The following APOBEC3B variants were observed in gnomAD, a reference collection of about 807,000 sequenced individuals.
APOBEC3B encodes the protein apolipoprotein B mRNA editing enzyme catalytic subunit 3B, also known as DNA dC->dU-editing enzyme APOBEC-3B.
Under a neutral mutation model 53.4 loss-of-function variants are expected in APOBEC3B, and 29 were observed. The ratio of observed to expected loss-of-function variants is 0.54; its 90% CI spans 0.40 to 0.74. APOBEC3B has a LOEUF of 0.74. APOBEC3B is among the 30% of genes least tolerant of loss of function. The pLI, the probability that APOBEC3B is intolerant of heterozygous loss-of-function variation, is 0.00. For synonymous variants in APOBEC3B, 132 were observed against 184.8 expected, an observed-to-expected ratio of 0.71 and a Z score of 2.32; for missense variants, 347 against 496.2, an observed-to-expected ratio of 0.70 and a Z score of 2.86.
In APOBEC3B at chr22:38,985,931, G is replaced by A. The variant is rs138362043; in HGVS notation, c.294G>A (p.Pro98=). The change falls in exon 3 of 8, where the codon CCG becomes CCA. Residue 98 remains proline (P), a synonymous_variant. Coordinates refer to ENST00000333467, the MANE Select transcript of APOBEC3B (RefSeq NM_004900.5). Reference sequence around the variant, plus strand: ...GGTTTGTATCCTGGACCCCCTGCCCGGACTGTGTGGCGAAGCTGGCCGAAT... The same window carrying A: ...GGTTTGTATCCTGGACCCCCTGCCCAGACTGTGTGGCGAAGCTGGCCGAAT... ...ITWFVSWTPC[P]DCVAKLAEFL... is the part of the protein sequence containing the mutation. The A allele has an allele frequency of 8.3e-4, 1,322 of 1,601,486 alleles. 25 individuals are homozygous for A. The highest frequency in any genetic ancestry group is 1.1e-3 in the Non-Finnish European group (1,252 of 1,176,514).
chr22:38,988,261 G>A lies in APOBEC3B; in HGVS notation c.570-1196G>A, dbSNP rs1923818446. Among the ~76,000 whole-genome samples, 2 of 148,378 alleles carry A rather than the reference G, an allele frequency of 1.3e-5. 1 individual carries two copies. Among genetic ancestry groups the A allele is most frequent in the African/African-American group, 4.9e-5 (2 of 40,758 alleles). On this transcript the variant is annotated intron_variant, in intron 4 of 7. Coordinates refer to ENST00000333467, the MANE Select transcript of APOBEC3B (RefSeq NM_004900.5). ...CCCAGTGCTGGTCTCTCCTCCAATG[G>A]TACCAATTCCAGGTCTCCTTCCACC...
At position 38,991,564 on chromosome 22, in the gene APOBEC3B, A is replaced by C. The variant is rs1264264007; in HGVS notation, c.956A>C (p.Tyr319Ser). The C allele has an allele frequency of 1.3e-6, 2 of 1,591,870 alleles. No individual in the cohort carries two copies. Among genetic ancestry groups the C allele is most frequent in the Non-Finnish European group, 1.7e-6 (2 of 1,172,040 alleles). Residue 319 changes from tyrosine (Y) to serine (S), a missense_variant, in exon 6 of 8, where the codon TAT becomes TCT. By Grantham distance (144) the Tyr-to-Ser change is moderately radical. This residue lies in a region of APOBEC3B where 78 missense variants were observed against 103.9 expected (regional missense o/e 0.75). Transcript: ENST00000333467. ...AARIYDYDPLYKEALQMLRDA... is the reference protein window; with the variant it reads ...AARIYDYDPLSKEALQMLRDA... ...CGCATCTATGATTACGACCCCCTAT[A>C]TAAGGAGGCGCTGCAAATGCTGCGG... is the stretch of plus-strand genomic sequence containing the variant.
chr22:38,992,492 G>T lies in APOBEC3B; in HGVS notation c.*47G>T. 2.7e-6 allele frequency: 4 copies of T among 1,502,398 alleles called. No homozygotes were observed. Among genetic ancestry groups the T allele is most frequent in the Non-Finnish European group, 3.5e-6 (4 of 1,128,654 alleles). The allele number at this position is 1,502,398 out of a possible 1,614,324, so 93.1% of individuals were successfully genotyped here. A position where few individuals can be genotyped will look rare whatever the true frequency, so the allele number is the denominator to read the frequency against. The stretch of plus-strand genomic sequence containing the variant: ...GGAAGGCAGAGACCTGGGTTGAGCA[G>T]CAGAATAAAAGATCTTCTTCCAAGA... On this transcript the variant is annotated 3_prime_UTR_variant, in exon 8 of 8. Transcript: ENST00000333467.
chr22:38,983,578 G>A (rs2146287272), intron 1 of APOBEC3B, among the ~76,000 whole-genome samples: 1 of 148,756 alleles, frequency 6.7e-6, no homozygotes, highest in East Asian at 2.3e-4. Context: ...CTGTAAGATG[G>A]GAATGGCCCC....
rs1017888373 is a variant in APOBEC3B at position 38,992,277 on chromosome 22, C to T, written c.1134+128C>T. Reference sequence around the variant, plus strand: ...CTGCTCCCCACAGGGCGCCCAGCTCCGTCCCTCCCTTTCCTTCTCACAGCC... The same window carrying T: ...CTGCTCCCCACAGGGCGCCCAGCTCTGTCCCTCCCTTTCCTTCTCACAGCC... On this transcript the variant is annotated intron_variant, in intron 7 of 7. Transcript: ENST00000333467. The T allele has an allele frequency of 3.3e-5, 51 of 1,534,948 alleles. 1 individual carries two copies. Among genetic ancestry groups the T allele is most frequent in the Middle Eastern group, 3.5e-4 (2 of 5,754 alleles).
intron 4 of APOBEC3B, 107 bp downstream of exon 4, chr22:38,986,519 C>A: frequency 1.6e-6 from 2 of 1,288,166 alleles, no homozygotes; most frequent in Non-Finnish European, 2.1e-6. Flanking sequence ...CCACTGCCTG[C>A]CCTCATGGTC....
At chr22:38,987,455 C>T (rs1240596426) in intron 4 of APOBEC3B, among the ~76,000 whole-genome samples, 1 of 148,706 alleles carries the variant, frequency 6.7e-6, no homozygotes, top group Non-Finnish European at 1.5e-5. Flanking sequence ...CTGGTGCTCC[C>T]TGCCCTGGGA....
chr22:38,982,763 T>C (rs1439894133), intron 1 of APOBEC3B, among the ~76,000 whole-genome samples: 1 of 148,922 alleles, frequency 6.7e-6, no homozygotes, highest in Non-Finnish European at 1.5e-5. Context: ...GTGCTCCCTC[T>C]GTGTGCTTCC....
rs58110435 is a variant in APOBEC3B, at chr22:38,988,681, T to TTCTCTCTTTCTTTCTTTC, written c.570-771_570-770insCTTTCTTTCTTTCTCTCT. On this transcript the variant is annotated intron_variant, in intron 4 of 7. Transcript: ENST00000333467. Reference sequence around the variant, plus strand: ...CCTTGCTTCCTCTCTCTTTCTCTCTTTCTCTTTCTTTCTTTCTTTCTTTCT... The same window carrying TTCTCTCTTTCTTTCTTTC: ...CCTTGCTTCCTCTCTCTTTCTCTCTTTCTCTCTTTCTTTCTTTCTCTCTTTCTTTCTTTCTTTCTTTCT... Among the ~76,000 whole-genome samples the TTCTCTCTTTCTTTCTTTC allele has an allele frequency of 3.1e-3, 198 of 63,626 alleles. 38 individuals are homozygous for TTCTCTCTTTCTTTCTTTC. The highest frequency in any genetic ancestry group is 0.028 in the Admixed American group (155 of 5,536). 41.7% of individuals were successfully genotyped at this position (63,626 alleles called of 152,430 possible).
intron 1 of APOBEC3B, 79 bp downstream of exon 1, chr22:38,982,549 T>C: frequency 6.6e-6 from 10 of 1,520,122 alleles, no homozygotes; most frequent in East Asian, 2.6e-5. Context: ...AACCCTGGCC[T>C]CCCCCCGCCC....
intron 7 of APOBEC3B, 109 bp downstream of exon 7, chr22:38,992,258 C>T (rs770971928): frequency 1.3e-6 from 2 of 1,542,768 alleles, no homozygotes; most frequent in Non-Finnish European, 1.7e-6. Flanking sequence ...TTCCCTGCTC[C>T]CCACAGGGCG....
chr22:38,986,797 G>T (rs1923758979), intron 4 of APOBEC3B, among the ~76,000 whole-genome samples: 1 of 148,814 alleles, frequency 6.7e-6, no homozygotes, highest in Admixed American at 6.9e-5. Context: ...GGCACCCATG[G>T]CATCCTGGGG....
At chr22:38,991,754 G>T (rs1039183751) in intron 6 of APOBEC3B, 128 bp downstream of exon 6, 1 of 1,308,930 alleles carries the variant, frequency 7.6e-7, no homozygotes, top group African/African-American at 1.5e-5. Flanking sequence ...TGACTTTGGG[G>T]TCGATGGGAA....
chr22:38,982,731 T>G (rs1436650276), intron 1 of APOBEC3B, among the ~76,000 whole-genome samples: 1 of 148,596 alleles, frequency 6.7e-6, no homozygotes, highest in East Asian at 2.3e-4. Flanking sequence ...ATGCCCGGAC[T>G]GGTGCTCCCC....
At chr22:38,988,995 TC>T (rs1168259761) in intron 4 of APOBEC3B, among the ~76,000 whole-genome samples, 1 of 147,278 alleles carries the variant, frequency 6.8e-6, no homozygotes, top group African/African-American at 2.5e-5. Context: ...CAGGCTCCTC[TC>T]CCCAATGATC....
Position 38,989,567 on chromosome 22 carries a change from C to T in APOBEC3B, c.680C>T (p.Thr227Ile). Residue 227 changes from threonine (T) to isoleucine (I), a missense_variant, in exon 5 of 8, where the codon ACC becomes ATC. Physicochemically the swap from Thr to Ile is moderately conservative, Grantham distance 89. This residue lies in a region of APOBEC3B where 156 missense variants were observed against 166.7 expected (regional missense o/e 0.94). Coordinates refer to ENST00000333467, the MANE Select transcript of APOBEC3B (RefSeq NM_004900.5). ...GAGGTGGAGCGCCTGGACAATGGCA[C>T]CTGGGTCCTGATGGACCAGCACATG... ...CYEVERLDNG[T>I]WVLMDQHMGF... 6.3e-7 allele frequency: 1 copy of T among 1,587,788 alleles called. No individual in the cohort carries two copies. Among genetic ancestry groups the T allele is most frequent in the Non-Finnish European group, 8.6e-7 (1 of 1,168,742 alleles).
chr22:38,990,075 C>T (rs1923930277), intron 5 of APOBEC3B, among the ~76,000 whole-genome samples: 1 of 149,138 alleles, frequency 6.7e-6, no homozygotes, highest in African/African-American at 2.4e-5. Flanking sequence ...AGATGGCCAG[C>T]AGTTGGGGAA....
chr22:38,983,484 C>CTGGAAAGG (rs1323747477), intron 1 of APOBEC3B, among the ~76,000 whole-genome samples: 1 of 148,624 alleles, frequency 6.7e-6, no homozygotes, highest in Non-Finnish European at 1.5e-5. Context: ...CAGGGCTGGC[C>CTGGAAAGG]TGGAAAGGGG....
chr22:38,984,142 G>A lies in APOBEC3B; in HGVS notation c.85G>A (p.Gly29Ser). The A allele has an allele frequency of 1.3e-6, 2 of 1,591,754 alleles. No individual in the cohort carries two copies. Among genetic ancestry groups the A allele is most frequent in the Non-Finnish European group, 1.7e-6 (2 of 1,171,856 alleles). ...CTTTGAAAACGAACCCATCCTCTAT[G>A]GTCGGAGCTACACTTGGCTGTGCTA... is the stretch of plus-strand genomic sequence containing the variant. ...DNFENEPILYGRSYTWLCYEV... is the reference protein window; with the variant it reads ...DNFENEPILYSRSYTWLCYEV... The change falls in exon 2 of 8, where the codon GGT (glycine) becomes AGT (serine). Residue 29 changes from glycine to serine, a missense_variant. By Grantham distance (56) the Gly-to-Ser change is moderately conservative (BLOSUM62 0). Around this residue, in one of 5 missense-constraint regions of APOBEC3B, gnomAD observed 73 missense variants for 90.9 expected, o/e 0.80. Transcript: ENST00000333467.
Sources: gnomAD v4.1 joint callset for allele counts (sites outside exome capture counted in the v4.1 genomes callset) on GRCh38, gnomAD v4.1.1 for gene constraint, gnomAD v4.1.1 regional missense constraint, MANE v1.5 for transcripts, NCBI Gene and HGNC (gene_info 2026-07-23, HGNC 2026-07-21) for gene names.